BRF1: variants seen among roughly 807,000 people sequenced by gnomAD.
BRF1 encodes the protein transcription factor IIIB 90 kDa subunit.
BRF1 carries 59 observed loss-of-function variants against 81.7 expected under a neutral mutation model. The observed-to-expected ratio is 0.72, with a 90% CI of 0.59 to 0.90. The LOEUF (loss-of-function observed/expected upper bound fraction) is 0.90. BRF1 is among the 40% of genes least tolerant of loss of function. The pLI, the probability that BRF1 is intolerant of heterozygous loss-of-function variation, is 0.00. For synonymous variants in BRF1, 491 were observed against 395.6 expected, an observed-to-expected ratio of 1.24 and a Z score of -2.86; for missense variants, 1,050 against 936.3, an observed-to-expected ratio of 1.12 and a Z score of -1.58.
Position 105,252,354 on chromosome 14 carries a change from C to T in BRF1, c.544+153G>A, listed in dbSNP as rs587653237. On this transcript the variant is annotated intron_variant, in intron 5 of 17. Coordinates refer to ENST00000547530, the MANE Select transcript of BRF1 (RefSeq NM_001519.4). ...CTGTGTCTTAGAAAATAAGGCCCCA[C>T]ATTACTGAGCTCCTAGCAGCTTTAA... 10 of 983,984 alleles carry T rather than the reference C, an allele frequency of 1.0e-5. No homozygotes were observed. In the East Asian group the frequency reaches 8.0e-4, roughly 78 times the overall value. The allele number at this position is 983,984 out of a possible 1,614,324, so 61.0% of individuals were successfully genotyped here. A position where few individuals can be genotyped will look rare whatever the true frequency, so the allele number is the denominator to read the frequency against.
At position 105,219,207 on chromosome 14, in the gene BRF1, C is replaced by T. The variant is rs758618155; in HGVS notation, c.1403G>A (p.Arg468His). 12 of 1,612,560 alleles carry T rather than the reference C, an allele frequency of 7.4e-6. No homozygotes were observed. The highest frequency in any genetic ancestry group is 3.3e-5 in the Admixed American group (2 of 60,000). ...CCTCATCCACAGCTCGGCCTTCACGCGGGCTTCCGACTCATTCAGGATGTA... is the reference window on the plus strand; with the variant it reads ...CCTCATCCACAGCTCGGCCTTCACGTGGGCTTCCGACTCATTCAGGATGTA... ...DRYILNESEARVKAELWMREN... is the reference protein window; with the variant it reads ...DRYILNESEAHVKAELWMREN... The change falls in exon 13 of 18, where the codon CGC becomes CAC. Residue 468 changes from arginine to histidine, a missense_variant. Arg to His is a conservative substitution (Grantham distance 29). This residue lies in a region of BRF1 where 1,043 missense variants were observed against 915.4 expected (regional missense o/e 1.14). Transcript: ENST00000547530.
At chr14:105,308,034 A>T (rs1380934957) in intron 1 of BRF1, among the ~76,000 whole-genome samples, 1 of 151,486 alleles carries the variant, frequency 6.6e-6, no homozygotes, top group Non-Finnish European at 1.5e-5. Context: ...AAATTTAAAA[A>T]TTAGCTGTGC....
chr14:105,292,119 T>C (rs1055816340), intron 1 of BRF1, among the ~76,000 whole-genome samples: 26 of 152,234 alleles, frequency 1.7e-4, no homozygotes, highest in African/African-American at 5.5e-4. Context: ...GCCTCCCAAA[T>C]AGGCGGGACC....
chr14:105,247,976 C>A (rs982379087), intron 5 of BRF1: 4 of 985,396 alleles, frequency 4.1e-6, no homozygotes, highest in South Asian at 4.7e-5. Flanking sequence ...GCCACAGAGG[C>A]AGGGCGCGCC....
chr14:105,253,471 G>A (rs895870265), intron 4 of BRF1, among the ~76,000 whole-genome samples: 2 of 152,152 alleles, frequency 1.3e-5, no homozygotes, highest in East Asian at 1.9e-4. Flanking sequence ...GAATTCCCTC[G>A]CCTGACCAAG....
At chr14:105,226,041 G>A in intron 10 of BRF1, 28 bp downstream of exon 10, 1 of 1,596,094 alleles carries the variant, frequency 6.3e-7, no homozygotes, top group African/African-American at 1.3e-5. Context: ...TTAAAGGTCT[G>A]AATAGGGGCC....
intron 5 of BRF1, chr14:105,248,557 GCGGGTACGGGCT>G (rs1257129329): frequency 5.4e-5 from 50 of 920,564 alleles, no homozygotes; most frequent in Middle Eastern, 1.1e-3. Flanking sequence ...CGGCGCCGCG[GCGGGTACGGGCT>G]CGGGCGGGCG....
chr14:105,225,320 T>C (rs1391408771), intron 10 of BRF1, among the ~76,000 whole-genome samples: 1 of 152,112 alleles, frequency 6.6e-6, no homozygotes, highest in African/African-American at 2.4e-5. Context: ...ATGGATCCCT[T>C]CTCTTGGCCA....
In BRF1 at chr14:105,217,685, C is replaced by G. The variant is rs200784595; in HGVS notation, c.1631G>C (p.Arg544Pro). Residue 544 changes from arginine to proline, a missense_variant, in exon 15 of 18, where the codon CGG becomes CCG. Coordinates refer to ENST00000547530, the MANE Select transcript of BRF1 (RefSeq NM_001519.4). ...GCCCCCGCCGGCGCTGCTGAGGCCC[C>G]GGAGCACGCTATAATTGATCTTGCT... Reference protein sequence around the residue: ...ISSKINYSVLRGLSSAGGGSP... With the variant: ...ISSKINYSVLPGLSSAGGGSP... 1.2e-6 allele frequency: 2 copies of G among 1,613,386 alleles called. No homozygotes were observed. The highest frequency in any genetic ancestry group is 1.7e-6 in the Non-Finnish European group (2 of 1,180,024).
At chr14:105,219,938 G>T in intron 12 of BRF1, 131 bp downstream of exon 12, 1 of 953,428 alleles carries the variant, frequency 1.0e-6, no homozygotes, top group Non-Finnish European at 1.6e-6. Context: ...AGAAGGCCAG[G>T]AGCCCACTTC....
intron 4 of BRF1, 117 bp from the exon 5 acceptor site, chr14:105,252,696 A>G: frequency 1.8e-6 from 2 of 1,109,418 alleles, no homozygotes; most frequent in East Asian, 2.7e-5. Context: ...CCCGTGGAGC[A>G]GCCACCCCAC....
At chr14:105,221,991 A>G in intron 10 of BRF1, 77 bp from the exon 11 acceptor site, 1 of 1,479,670 alleles carries the variant, frequency 6.8e-7, no homozygotes. Context: ...CAATGCTACC[A>G]AGCTGCCAGG....
chr14:105,215,357 CAGAG>C (rs994229819), intron 15 of BRF1, among the ~76,000 whole-genome samples: 6 of 152,138 alleles, frequency 3.9e-5, no homozygotes, highest in Non-Finnish European at 8.8e-5. Context: ...ACTGCATGCA[CAGAG>C]AGACACATAG....
At chr14:105,291,704 G>A (rs1199153603) in intron 1 of BRF1, among the ~76,000 whole-genome samples, 1 of 151,842 alleles carries the variant, frequency 6.6e-6, no homozygotes, top group Non-Finnish European at 1.5e-5. Flanking sequence ...CTTTTTTTAA[G>A]AGACAGGGTC....
rs1478655751 is a variant in BRF1, at chr14:105,210,647, C to A, written c.1997-59G>T. On this transcript the variant is annotated intron_variant, in intron 17 of 17. Transcript: ENST00000547530. The surrounding 1 kb of genome is among the most constrained non-coding windows in gnomAD (Gnocchi z 4.7). Reference sequence around the variant, plus strand: ...TCTGTGGGACCCAGGAGCCCAGACCCCCCAACCCGCCCTGTTCCTGGTGCC... The same window carrying A: ...TCTGTGGGACCCAGGAGCCCAGACCACCCAACCCGCCCTGTTCCTGGTGCC... 6 of 1,580,694 alleles carry A rather than the reference C, an allele frequency of 3.8e-6. No individual in the cohort carries two copies. The highest frequency in any genetic ancestry group is 2.2e-5 in the East Asian group (1 of 44,526).
intron 2 of BRF1, 38 bp downstream of exon 2, chr14:105,286,258 C>CCCG: frequency 6.3e-7 from 1 of 1,585,404 alleles, no homozygotes; most frequent in Non-Finnish European, 8.6e-7. Context: ...ATCTCTGGGA[C>CCCG]CCGCCGCACG....
intron 5 of BRF1, among the ~76,000 whole-genome samples, chr14:105,246,403 G>A (rs1228146935): frequency 2.6e-5 from 4 of 151,882 alleles, no homozygotes; most frequent in Admixed American, 6.5e-5. Flanking sequence ...TAGGCTGGGC[G>A]CGGTGGCTCA....
intron 5 of BRF1, chr14:105,250,480 C>T (rs772789271): frequency 1.2e-6 from 2 of 1,613,984 alleles, no homozygotes; most frequent in South Asian, 1.1e-5. Flanking sequence ...AACACCCGGT[C>T]CAGGTTGAAC....
rs200351753 is a variant in BRF1, at chr14:105,272,888, C to T, written c.272G>A (p.Arg91His). 41 of 1,611,548 alleles carry T rather than the reference C, an allele frequency of 2.5e-5. No individual in the cohort carries two copies. The highest frequency in any genetic ancestry group is 3.3e-4 in the Middle Eastern group (2 of 6,082). ...CTGGTTCCCCAGGTGGTGGATGTGG[C>T]GCCTCCCTAGGACACAGCACGAGGC... ...SRAQTLQNGR[R>H]HIHHLGNQLQ... The change falls in exon 3 of 18, where the codon CGC (arginine) becomes CAC (histidine). Residue 91 changes from arginine to histidine, a missense_variant. Arg to His is a conservative substitution (Grantham distance 29). Coordinates refer to ENST00000547530, the MANE Select transcript of BRF1 (RefSeq NM_001519.4).
Sources: allele counts gnomAD v4.1 joint callset (sites outside exome capture counted in the v4.1 genomes callset), GRCh38; gene constraint gnomAD v4.1.1; regional missense constraint gnomAD v4.1.1; non-coding constraint Gnocchi (gnomAD v3.1); transcripts MANE v1.5; gene names NCBI Gene and HGNC (gene_info 2026-07-23, HGNC 2026-07-21).